GRK5: variants seen among roughly 807,000 people sequenced by gnomAD.
GRK5 encodes the protein G protein-coupled receptor kinase 5.
GRK5 carries 40 observed loss-of-function variants against 78.4 expected under a neutral mutation model. The observed-to-expected ratio is 0.51, with a 90% confidence interval of 0.40 to 0.66. GRK5 has a LOEUF of 0.66. Among genes scored for constraint, GRK5 ranks in the 30% least tolerant of loss-of-function variants. The pLI, the probability that GRK5 is intolerant of heterozygous loss-of-function variation, is 0.00. For missense variants in GRK5, 598 were observed against 759.9 expected (o/e 0.79, Z 2.50); for synonymous variants, 289 against 296.8 (o/e 0.97, Z 0.27).
At chr10:119,358,037 C>T (rs1011939833) in intron 2 of GRK5, among the ~76,000 whole-genome samples, 1 of 152,146 alleles carries the variant, frequency 6.6e-6, no homozygotes, top group African/African-American at 2.4e-5. Flanking sequence ...AGTATGTGAG[C>T]CTTGGATGGA....
rs577327229 is a variant in GRK5 at position 119,347,353 on chromosome 10, G to A, written c.148+20742G>A. ...TTTGTGAGTGTGCATGTGTGTGCGT[G>A]TGTGTACATGCAAGTTTGTGCCCAT... On this transcript the variant is annotated intron_variant, in intron 2 of 15. Coordinates refer to ENST00000392870, the MANE Select transcript of GRK5 (RefSeq NM_005308.3). 1.2e-4 allele frequency among the ~76,000 whole-genome samples: 18 copies of A among 152,282 alleles called. No individual in the cohort carries two copies. In the South Asian group the frequency reaches 3.5e-3, roughly 30 times the overall value.
chr10:119,379,967 C>T lies in GRK5; in HGVS notation c.149-848C>T, dbSNP rs966262585. Among the ~76,000 whole-genome samples, 1 of 152,142 alleles carries T rather than the reference C, an allele frequency of 6.6e-6. No homozygotes were observed. Among genetic ancestry groups the T allele is most frequent in the Non-Finnish European group, 1.5e-5 (1 of 68,026 alleles). On this transcript the variant is annotated intron_variant, in intron 2 of 15. Transcript: ENST00000392870. This position sits in a 1 kb window ranked among gnomAD's most constrained non-coding sequence, Gnocchi z 4.1. Reference sequence around the variant, plus strand: ...TATTTCCTCTTCAGAACCCTCTTGGCTATTGAGTGGGTAAGCGCGGGTGAC... The same window carrying T: ...TATTTCCTCTTCAGAACCCTCTTGGTTATTGAGTGGGTAAGCGCGGGTGAC...
rs76418006 is a variant in GRK5 at position 119,241,953 on chromosome 10, G to A, written c.52+33984G>A. ...AGGAGTTTTGGGCTTCTGGAGGGTAGGGAAGCCATGGGAAGGTAAGGGGAG... is the reference window on the plus strand; with the variant it reads ...AGGAGTTTTGGGCTTCTGGAGGGTAAGGAAGCCATGGGAAGGTAAGGGGAG... On this transcript the variant is annotated intron_variant, in intron 1 of 15. Coordinates refer to ENST00000392870, the MANE Select transcript of GRK5 (RefSeq NM_005308.3). 3.6e-3 allele frequency among the ~76,000 whole-genome samples: 555 copies of A among 152,246 alleles called. 16 individuals are homozygous for A. In the East Asian group the frequency reaches 0.045, roughly 12 times the overall value.
At chr10:119,380,649 G>A (rs1851695903) in intron 2 of GRK5, among the ~76,000 whole-genome samples, 166 bp from the exon 3 acceptor site, 2 of 152,308 alleles carry the variant, frequency 1.3e-5, no homozygotes, top group South Asian at 2.1e-4. Context: ...CTACACTGAC[G>A]TCTCTCTGAG....
chr10:119,265,028 C>T (rs1458653260), intron 1 of GRK5, among the ~76,000 whole-genome samples: 2 of 152,228 alleles, frequency 1.3e-5, no homozygotes, highest in Non-Finnish European at 2.9e-5. Flanking sequence ...ACAGCGGCCT[C>T]TTTGGACAGG....
chr10:119,380,909 T>C lies in GRK5; in HGVS notation c.243T>C (p.Ile81=). 6.2e-7 allele frequency: 1 copy of C among 1,611,350 alleles called. No individual in the cohort carries two copies. Among genetic ancestry groups the C allele is most frequent in the African/African-American group, 1.3e-5 (1 of 75,032 alleles). The change falls in exon 3 of 16, where the codon ATT becomes ATC. Residue 81 remains isoleucine, a synonymous_variant. Coordinates refer to ENST00000392870, the MANE Select transcript of GRK5 (RefSeq NM_005308.3). ...CETRPGLECY[I]QFLDSVAEYE... is the part of the protein sequence containing the mutation. ...CCAGGCCTGGGCTGGAGTGTTACAT[T>C]CAGTTCCTGGACTCCGTGGTAAGTT...
intron 1 of GRK5, among the ~76,000 whole-genome samples, chr10:119,247,817 A>G (rs976006766): frequency 2.6e-5 from 4 of 152,162 alleles, no homozygotes; most frequent in Admixed American, 2.0e-4. Flanking sequence ...TATGATACAC[A>G]TAATAGAAGG....
intron 1 of GRK5, among the ~76,000 whole-genome samples, chr10:119,323,251 G>A (rs1438434382): frequency 6.6e-6 from 1 of 152,226 alleles, no homozygotes; most frequent in Non-Finnish European, 1.5e-5. Flanking sequence ...CAATGGGAAC[G>A]TCCTTAATGC....
intron 1 of GRK5, among the ~76,000 whole-genome samples, chr10:119,241,923 A>C (rs1483581561): frequency 6.6e-6 from 1 of 152,218 alleles, no homozygotes; most frequent in African/African-American, 2.4e-5. Flanking sequence ...AGGCTAAAAA[A>C]GAAAAGGAGT....
chr10:119,252,709 A>T (rs146839772), intron 1 of GRK5, among the ~76,000 whole-genome samples: 1 of 152,138 alleles, frequency 6.6e-6, no homozygotes, highest in Non-Finnish European at 1.5e-5. Context: ...TGGCCTTCCT[A>T]AATTTGCTTT....
chr10:119,327,366 C>T (rs1195982939), intron 2 of GRK5, among the ~76,000 whole-genome samples: 2 of 152,192 alleles, frequency 1.3e-5, no homozygotes, highest in African/African-American at 4.8e-5. Context: ...GTTTGGGGTC[C>T]CGGCCCTTCT....
intron 1 of GRK5, among the ~76,000 whole-genome samples, chr10:119,310,797 AATCG>A (rs1850345202): frequency 6.6e-6 from 1 of 152,232 alleles, no homozygotes; most frequent in Non-Finnish European, 1.5e-5. Context: ...CACATTTTCG[AATCG>A]ACCCTTATAA....
chr10:119,355,813 T>A (rs1344701906), intron 2 of GRK5, among the ~76,000 whole-genome samples: 2 of 151,906 alleles, frequency 1.3e-5, no homozygotes, highest in Non-Finnish European at 2.9e-5. Context: ...CAAAACTCCT[T>A]TGGGATCTAT....
At position 119,338,001 on chromosome 10, in the gene GRK5, T is replaced by C. The variant is rs535144408; in HGVS notation, c.148+11390T>C. 6.8e-4 allele frequency among the ~76,000 whole-genome samples: 104 copies of C among 152,302 alleles called. 2 individuals carry two copies. The Middle Eastern group carries it at 0.01, about 15-fold the overall frequency. ...ATGACCTCATTTTAACTTGATTATC[T>C]CTGTAGCAACGCTCTTTCCAAATAA... On this transcript the variant is annotated intron_variant, in intron 2 of 15. Coordinates refer to ENST00000392870, the MANE Select transcript of GRK5 (RefSeq NM_005308.3).
chr10:119,346,886 C>G (rs1253854864), intron 2 of GRK5, among the ~76,000 whole-genome samples: 1 of 152,228 alleles, frequency 6.6e-6, no homozygotes, highest in South Asian at 2.1e-4. Flanking sequence ...CAGGCCTCCT[C>G]TCGGGCCCGT....
rs1336422924 is a variant in GRK5, at chr10:119,387,109, ATCC to A, written c.261+6187_261+6189del. On this transcript the variant is annotated intron_variant, in intron 3 of 15. Transcript: ENST00000392870. ...AGCCTCCGCCTCTTGGGTTCAAGTG[ATCC>A]TCCTGCCTCAGCCTTCTGAGTAGCA... Among the ~76,000 whole-genome samples the A allele has an allele frequency of 2.6e-5, 4 of 151,796 alleles. No homozygotes were observed. The East Asian group carries it at 7.7e-4, about 29-fold the overall frequency.
chr10:119,233,555 T>G (rs1331188112), intron 1 of GRK5, among the ~76,000 whole-genome samples: 1 of 152,072 alleles, frequency 6.6e-6, no homozygotes, highest in East Asian at 1.9e-4. Flanking sequence ...ATTGTTTCAT[T>G]TTGGTGTCCA....
intron 1 of GRK5, among the ~76,000 whole-genome samples, chr10:119,236,338 C>T (rs1209138100): frequency 6.6e-6 from 1 of 152,104 alleles, no homozygotes; most frequent in Admixed American, 6.5e-5. Context: ...GCCTCAGCCT[C>T]CCGAGTAGCT....
chr10:119,209,665 GGT>G lies in GRK5; in HGVS notation c.52+1698_52+1699del. Among the ~76,000 whole-genome samples, 5 of 151,982 alleles carry G rather than the reference GGT, an allele frequency of 3.3e-5. 1 individual carries two copies. The South Asian group carries it at 1.0e-3, about 32-fold the overall frequency. On this transcript the variant is annotated intron_variant, in intron 1 of 15. Coordinates refer to ENST00000392870, the MANE Select transcript of GRK5 (RefSeq NM_005308.3). ...CAGCCTTTGCAGCTGGCCACCTAGT[GGT>G]GGGACACGGTTGTGTATCTCAGGAT...
Sources: allele counts gnomAD v4.1 joint callset (sites outside exome capture counted in the v4.1 genomes callset), GRCh38; gene constraint gnomAD v4.1.1; non-coding constraint Gnocchi (gnomAD v3.1); transcripts MANE v1.5; gene names NCBI Gene and HGNC (gene_info 2026-07-23, HGNC 2026-07-21).